Variants in ADRA1B observed in about 807,000 individuals in gnomAD.
The protein encoded by ADRA1B is adrenoceptor alpha 1B, also known as alpha-1B adrenergic receptor.
Under a neutral mutation model 17.9 loss-of-function variants are expected in ADRA1B, and 17 were observed. The ratio of observed to expected loss-of-function variants is 0.95; its 90% CI spans 0.65 to 1.42. ADRA1B has a LOEUF of 1.42. ADRA1B is among the 40% of genes most tolerant of loss of function. The pLI, the probability that ADRA1B is intolerant of heterozygous loss-of-function variation, is 0.00. For missense variants in ADRA1B, 681 were observed against 722.1 expected (o/e 0.94, Z 0.65); for synonymous variants, 366 against 327.6 (o/e 1.12, Z -1.27).
chr5:159,901,011 C>A (rs1274248030), intron 1 of ADRA1B, among the ~76,000 whole-genome samples: 1 of 151,968 alleles, frequency 6.6e-6, no homozygotes, highest in East Asian at 1.9e-4. Flanking sequence ...GGTGACTACT[C>A]CGAAGGGAAA....
chr5:159,971,901 GC>G lies in ADRA1B; in HGVS notation c.978del (p.Asp327ThrfsTer88). 7.4e-7 allele frequency: 1 copy of G among 1,355,842 alleles called. No individual in the cohort carries two copies. 84.0% of individuals were successfully genotyped at this position (1,355,842 alleles called of 1,614,324 possible). On this transcript the variant is annotated frameshift_variant, in exon 2 of 2. Transcript: ENST00000306675. LOFTEE classifies it low-confidence loss of function (END_TRUNC). ...PLGSLFSTLK[P>X]PDAVFKVVFW... ...CAGGCTCCTTGTTCTCCACCCTGAA[GC>G]CCCCCGACGCCGTGTTCAAGGTGGT...
the ADRA1B span, among the ~76,000 whole-genome samples, chr5:159,983,553 C>A: frequency 6.6e-5 from 10 of 152,312 alleles, no homozygotes; most frequent in African/African-American, 2.2e-4. Flanking sequence ...CAGTGATGAA[C>A]AACGATCTTC....
At chr5:159,962,960 C>T (rs368377438) in intron 1 of ADRA1B, among the ~76,000 whole-genome samples, 5 of 102,128 alleles carry the variant, frequency 4.9e-5, no homozygotes, top group East Asian at 2.9e-4. Flanking sequence ...TTTGAAACAA[C>T]GTCTATGTTG....
chr5:159,917,805 C>G lies in ADRA1B; in HGVS notation c.900C>G (p.Val300=), dbSNP rs748079207. ...KKAAKTLGIV[V]GMFILCWLPF... is the part of the protein sequence containing the mutation. The stretch of plus-strand genomic sequence containing the variant: ...CAGCTAAGACGTTGGGCATTGTGGT[C>G]GGTATGTTCATCTTGTGCTGGCTAC... The change falls in exon 1 of 2, where the codon GTC becomes GTG. Residue 300 remains valine, a synonymous_variant. Coordinates refer to ENST00000306675, the MANE Select transcript of ADRA1B (RefSeq NM_000679.4). 3.5e-5 allele frequency: 56 copies of G among 1,613,012 alleles called. No individual in the cohort carries two copies. Among genetic ancestry groups the G allele is most frequent in the Admixed American group, 5.0e-5 (3 of 59,940 alleles).
chr5:159,865,417 T>C (rs1166532716), intron 1 of ADRA1B, among the ~76,000 whole-genome samples: 1 of 151,720 alleles, frequency 6.6e-6, no homozygotes, highest in Non-Finnish European at 1.5e-5. Flanking sequence ...TAAAATGAAA[T>C]GAGAGAAGTT....
rs1031620021 is a variant in ADRA1B at position 159,917,849 on chromosome 5, C to T, written c.944C>T (p.Pro315Leu). ...LCWLPFFIAL[P>L]LGSLFSTLKP... ...TGGCTACCCTTCTTCATCGCTCTAC[C>T]GCTTGGTAAGTTGGGGACTAGCAGC... The change falls in exon 1 of 2, where the codon CCG (proline) becomes CTG (leucine). Residue 315 changes from proline to leucine, a missense_variant. This residue lies in a region of ADRA1B where 424 missense variants were observed against 480.2 expected (regional missense o/e 0.88). Transcript: ENST00000306675. 3 of 1,599,210 alleles carry T rather than the reference C, an allele frequency of 1.9e-6. No individual in the cohort carries two copies. The highest frequency in any genetic ancestry group is 1.7e-6 in the Non-Finnish European group (2 of 1,174,032).
intron 1 of ADRA1B, among the ~76,000 whole-genome samples, chr5:159,877,823 C>T (rs756134393): frequency 3.3e-5 from 5 of 152,210 alleles, no homozygotes; most frequent in Non-Finnish European, 5.9e-5. Flanking sequence ...AAGCTCAGAT[C>T]TCTTTAGTTG....
At chr5:159,947,954 G>A in intron 1 of ADRA1B, 1 of 985,404 alleles carries the variant, frequency 1.0e-6, no homozygotes, top group Non-Finnish European at 1.2e-6. Flanking sequence ...AGCTGTCCCT[G>A]GATTCTTTGG....
At chr5:159,902,692 T>C (rs1009890) in intron 1 of ADRA1B, among the ~76,000 whole-genome samples, 107,638 of 152,074 alleles carry the variant, frequency 0.71, 40,221 homozygotes, top group African/African-American at 0.91. Context: ...CCACACAATC[T>C]GACATGATGC....
chr5:159,966,998 G>A (rs2113291709), intron 1 of ADRA1B, among the ~76,000 whole-genome samples: 1 of 152,326 alleles, frequency 6.6e-6, no homozygotes, highest in African/African-American at 2.4e-5. Context: ...CATACTGTAA[G>A]CAAAGAGAGC....
At chr5:159,944,190 C>A (rs900665773) in intron 1 of ADRA1B, among the ~76,000 whole-genome samples, 1 of 151,928 alleles carries the variant, frequency 6.6e-6, no homozygotes, top group African/African-American at 2.4e-5. Context: ...CTAAAGATAC[C>A]AATTTACTCA....
In ADRA1B at chr5:159,917,332, C is replaced by G; in HGVS notation, c.427C>G (p.Arg143Gly). Residue 143 changes from arginine to glycine, a missense_variant, in exon 1 of 2, where the codon CGC (arginine) becomes GGC (glycine). Arg to Gly is a moderately radical substitution (Grantham distance 125, BLOSUM62 -2). Coordinates refer to ENST00000306675, the MANE Select transcript of ADRA1B (RefSeq NM_000679.4). Reference protein sequence around the residue: ...ILSLCAISIDRYIGVRYSLQY... With the variant: ...ILSLCAISIDGYIGVRYSLQY... ...GAGCCTGTGCGCCATCTCCATCGAT[C>G]GCTACATCGGGGTGCGCTACTCTCT... 1 of 1,614,042 alleles carries G rather than the reference C, an allele frequency of 6.2e-7. No homozygotes were observed. Among genetic ancestry groups the G allele is most frequent in the East Asian group, 2.2e-5 (1 of 44,876 alleles).
chr5:159,873,322 G>A (rs1353101600), intron 1 of ADRA1B, among the ~76,000 whole-genome samples: 1 of 152,194 alleles, frequency 6.6e-6, no homozygotes, highest in Non-Finnish European at 1.5e-5. Context: ...GCACAGAGTT[G>A]CAGGGCTCCA....
At chr5:159,879,019 G>A (rs966135506) in intron 1 of ADRA1B, among the ~76,000 whole-genome samples, 19 of 152,120 alleles carry the variant, frequency 1.2e-4, no homozygotes, top group African/African-American at 4.6e-4. Flanking sequence ...GGCCCTGGGT[G>A]AGGCAGGTCG....
At chr5:159,866,904 G>A (rs567027303) in intron 1 of ADRA1B, 4 of 152,136 alleles carry the variant, frequency 2.6e-5, no homozygotes, top group Admixed American at 1.3e-4. Context: ...GGGATAAGCC[G>A]GGTTAGTTAT....
intron 1 of ADRA1B, among the ~76,000 whole-genome samples, chr5:159,876,653 T>C (rs1434756244): frequency 6.6e-6 from 1 of 152,162 alleles, no homozygotes; most frequent in East Asian, 1.9e-4. Context: ...GAATGGTAAG[T>C]ATGGGCGACA....
At chr5:159,961,091 G>GTGTTT (rs1203425064) in intron 1 of ADRA1B, among the ~76,000 whole-genome samples, 2 of 152,220 alleles carry the variant, frequency 1.3e-5, no homozygotes, top group Non-Finnish European at 2.9e-5. Context: ...AGTTAAGGGA[G>GTGTTT]AAATTCCCTA....
intron 1 of ADRA1B, among the ~76,000 whole-genome samples, chr5:159,961,937 A>G (rs980523614): frequency 6.6e-6 from 1 of 152,144 alleles, no homozygotes; most frequent in Non-Finnish European, 1.5e-5. Flanking sequence ...GTGAAGGCCA[A>G]TGGATTTAAG....
chr5:159,951,534 G>T (rs925030445), intron 1 of ADRA1B: 6 of 624,524 alleles, frequency 9.6e-6, no homozygotes, highest in African/African-American at 7.2e-5. Flanking sequence ...TGCACGAGAA[G>T]ATGCAGCTGT....
Sources: allele counts gnomAD v4.1 joint callset (sites outside exome capture counted in the v4.1 genomes callset), GRCh38; gene constraint gnomAD v4.1.1; regional missense constraint gnomAD v4.1.1; transcripts MANE v1.5; gene names NCBI Gene and HGNC (gene_info 2026-07-23, HGNC 2026-07-21).